USP15: variants seen among roughly 807,000 people sequenced by gnomAD.
USP15 encodes ubiquitin specific peptidase 15, also known as ubiquitin carboxyl-terminal hydrolase 15.
Under a neutral mutation model 127.1 loss-of-function variants are expected in USP15, and 18 were observed. The ratio of observed to expected loss-of-function variants is 0.14; its 90% CI spans 0.10 to 0.21. The LOEUF is 0.21. USP15 is among the 10% of genes least tolerant of loss of function. The pLI, the probability that USP15 is intolerant of heterozygous loss-of-function variation, is 1.00. For missense variants in USP15, 805 were observed against 1,159.9 expected (o/e 0.69, Z 4.44); for synonymous variants, 364 against 393.7 (o/e 0.92, Z 0.89).
At chr12:62,368,546 C>T (rs2066555912) in intron 8 of USP15, among the ~76,000 whole-genome samples, 1 of 152,090 alleles carries the variant, frequency 6.6e-6, no homozygotes, top group Admixed American at 6.5e-5. Context: ...ATGCATTGAT[C>T]CTTTACCAGT....
At chr12:62,343,584 A>G (rs547985519) in intron 6 of USP15, among the ~76,000 whole-genome samples, 54 of 152,274 alleles carry the variant, frequency 3.5e-4, no homozygotes, top group Non-Finnish European at 5.6e-4. Context: ...TGCAAAAACC[A>G]TGGGAAAAGC....
At chr12:62,261,452 C>T (rs2063054312) in intron 1 of USP15, among the ~76,000 whole-genome samples, 1 of 152,082 alleles carries the variant, frequency 6.6e-6, no homozygotes, top group Non-Finnish European at 1.5e-5. Flanking sequence ...TTTCACTTTC[C>T]ACTGTTACCA....
chr12:62,304,519 G>A (rs2137204563), intron 3 of USP15, among the ~76,000 whole-genome samples: 1 of 152,190 alleles, frequency 6.6e-6, no homozygotes, highest in East Asian at 1.9e-4. Context: ...GAAGTAAATA[G>A]ACCAGCTTAT....
chr12:62,375,045 G>T (rs1232631387), intron 8 of USP15, among the ~76,000 whole-genome samples: 2 of 151,916 alleles, frequency 1.3e-5, no homozygotes, highest in African/African-American at 4.8e-5. Context: ...TGTAATTAAT[G>T]GCCTGAATAT....
Position 62,381,670 on chromosome 12 carries a change from G to C in USP15, c.1089+7G>C. 1 of 1,606,660 alleles carries C rather than the reference G, an allele frequency of 6.2e-7. No individual in the cohort carries two copies. The highest frequency in any genetic ancestry group is 1.3e-5 in the African/African-American group (1 of 74,784). ...CACCCCAAGAGCCTTTAAGGTTAGT[G>C]TGGTAAATGCATTTTAGCAAGGGTA... On this transcript the variant is annotated splice_region_variant and intron_variant, in intron 9 of 21. Coordinates refer to ENST00000280377, the MANE Select transcript of USP15 (RefSeq NM_001252078.2).
At chr12:62,267,892 C>G (rs549489043) in intron 1 of USP15, among the ~76,000 whole-genome samples, 127 of 152,108 alleles carry the variant, frequency 8.3e-4, no homozygotes, top group African/African-American at 3.0e-3. Context: ...TGTTATTTAC[C>G]CATATGTTTT....
intron 8 of USP15, chr12:62,374,355 A>T: frequency 1.0e-6 from 1 of 984,300 alleles, no homozygotes; most frequent in Non-Finnish European, 1.2e-6. Context: ...GCTTTAGGTA[A>T]TCAAAAATTA....
chr12:62,393,410 A>C (rs1011777259), intron 19 of USP15, among the ~76,000 whole-genome samples: 1 of 152,208 alleles, frequency 6.6e-6, no homozygotes, highest in Admixed American at 6.5e-5. Context: ...GATCAAAGAG[A>C]AAATATACTT....
At chr12:62,314,346 A>G (rs2064767678) in intron 3 of USP15, among the ~76,000 whole-genome samples, 1 of 151,862 alleles carries the variant, frequency 6.6e-6, no homozygotes, top group Non-Finnish European at 1.5e-5. Context: ...TCTGCTTGGG[A>G]TCACTACTAA....
chr12:62,304,393 A>T (rs1034374600), intron 3 of USP15, among the ~76,000 whole-genome samples: 1 of 152,206 alleles, frequency 6.6e-6, no homozygotes, highest in African/African-American at 2.4e-5. Flanking sequence ...CTTATTACAG[A>T]TGCAATTTCC....
chr12:62,362,438 TACTC>T (rs1284658898), intron 8 of USP15, among the ~76,000 whole-genome samples: 1 of 152,188 alleles, frequency 6.6e-6, no homozygotes, highest in Non-Finnish European at 1.5e-5. Context: ...TATACACACT[TACTC>T]ATTCAATGTT....
chr12:62,375,740 C>T (rs558777198), intron 8 of USP15, among the ~76,000 whole-genome samples: 18 of 152,218 alleles, frequency 1.2e-4, no homozygotes, highest in African/African-American at 2.6e-4. Context: ...TGTCTTAAGA[C>T]GCCTAATTCA....
chr12:62,324,650 A>G lies in USP15; in HGVS notation c.622-1222A>G, dbSNP rs557136658. On this transcript the variant is annotated intron_variant, in intron 5 of 21. Transcript: ENST00000280377. Reference sequence around the variant, plus strand: ...AGGAAGGGATCAGTATATTAGGTACATGGTACATTTATTTTTTATATGGTA... The same window carrying G: ...AGGAAGGGATCAGTATATTAGGTACGTGGTACATTTATTTTTTATATGGTA... Among the ~76,000 whole-genome samples, 9 of 152,110 alleles carry G rather than the reference A, an allele frequency of 5.9e-5. No individual in the cohort carries two copies. In the South Asian group the frequency reaches 1.7e-3, roughly 28 times the overall value.
chr12:62,390,605 G>A (rs888601794), intron 14 of USP15, among the ~76,000 whole-genome samples: 2 of 151,676 alleles, frequency 1.3e-5, no homozygotes, highest in African/African-American at 4.8e-5. Context: ...ATCTAAATAG[G>A]GTAAGTTGAG....
intron 8 of USP15, chr12:62,374,561 A>G (rs2066765413): frequency 1.0e-6 from 1 of 985,542 alleles, no homozygotes; most frequent in African/African-American, 1.7e-5. Context: ...CAAATGCATT[A>G]CAAGTTATTG....
intron 6 of USP15, chr12:62,335,218 CAGAA>C (rs2065424845): frequency 1.3e-6 from 2 of 1,535,406 alleles, no homozygotes; most frequent in East Asian, 2.4e-5. Context: ...ACATACGTCA[CAGAA>C]AGAGAGCTAA....
intron 8 of USP15, among the ~76,000 whole-genome samples, chr12:62,358,029 T>G (rs1205494953): frequency 1.3e-5 from 2 of 152,158 alleles, no homozygotes; most frequent in African/African-American, 4.8e-5. Context: ...TTCATGAATT[T>G]TAGAAAATAT....
At chr12:62,387,044 A>C (rs2067171878) in intron 11 of USP15, among the ~76,000 whole-genome samples, 1 of 152,132 alleles carries the variant, frequency 6.6e-6, no homozygotes, top group Non-Finnish European at 1.5e-5. Context: ...GAACAAGTTG[A>C]AGAAGGAATC....
intron 1 of USP15, among the ~76,000 whole-genome samples, chr12:62,263,840 A>G (rs956817867): frequency 3.3e-5 from 5 of 152,228 alleles, no homozygotes; most frequent in African/African-American, 1.2e-4. Flanking sequence ...GCTTAGGATG[A>G]ATTAAAAACA....
Sources: gnomAD v4.1 joint callset for allele counts (sites outside exome capture counted in the v4.1 genomes callset) on GRCh38, gnomAD v4.1.1 for gene constraint, MANE v1.5 for transcripts, NCBI Gene and HGNC (gene_info 2026-07-23, HGNC 2026-07-21) for gene names.